The following PDLIM5 variants were observed in gnomAD, a reference collection of about 807,000 sequenced individuals.
PDLIM5 encodes the protein PDZ and LIM domain protein 5.
A neutral mutation model predicts 64.2 loss-of-function variants in PDLIM5; 34 were observed. The observed-to-expected ratio is 0.53, with a 90% CI of 0.40 to 0.71. The LOEUF (loss-of-function observed/expected upper bound fraction) is 0.71. Among genes scored for constraint, PDLIM5 ranks in the 30% least tolerant of loss-of-function variants. The probability of loss-of-function intolerance (pLI) is 0.00; values close to 1 mark genes in which losing one functional copy is unlikely to be tolerated. For missense variants in PDLIM5, 683 were observed against 733.6 expected, an observed-to-expected ratio of 0.93 and a Z score of 0.80; for synonymous variants, 253 against 269.1, an observed-to-expected ratio of 0.94 and a Z score of 0.59.
chr4:94,455,816 C>T (rs1184163705), intron 2 of PDLIM5: 3 of 1,495,646 alleles, frequency 2.0e-6, no homozygotes, highest in Non-Finnish European at 1.8e-6. Context: ...ATTATTTCCT[C>T]AGCTCACTTT....
chr4:94,514,173 CG>C (rs1729155359), intron 2 of PDLIM5, among the ~76,000 whole-genome samples: 1 of 140,644 alleles, frequency 7.1e-6, no homozygotes, highest in African/African-American at 2.7e-5. Flanking sequence ...CTTACGTGGT[CG>C]CCAAGGCTGG....
intron 5 of PDLIM5, chr4:94,579,346 A>G: frequency 5.2e-6 from 2 of 383,918 alleles, no homozygotes; most frequent in East Asian, 3.9e-5. Context: ...TCCTTGCATT[A>G]TAATGTGCCA....
At chr4:94,474,130 G>A (rs1725114842) in intron 2 of PDLIM5, among the ~76,000 whole-genome samples, 1 of 152,170 alleles carries the variant, frequency 6.6e-6, no homozygotes. Context: ...TTTATTTAGG[G>A]ATTTGTGAAA....
chr4:94,636,779 C>A (rs1253528395), intron 8 of PDLIM5, among the ~76,000 whole-genome samples: 1 of 152,116 alleles, frequency 6.6e-6, no homozygotes, highest in Non-Finnish European at 1.5e-5. Flanking sequence ...TCATGATCCG[C>A]CCGCCTCGGC....
intron 7 of PDLIM5, among the ~76,000 whole-genome samples, chr4:94,609,702 T>G (rs1441230356): frequency 6.6e-6 from 1 of 152,148 alleles, no homozygotes; most frequent in Admixed American, 6.5e-5. Flanking sequence ...AAAACATAAG[T>G]CGTATTAAAA....
At chr4:94,642,304 C>A (rs914840300) in intron 9 of PDLIM5, among the ~76,000 whole-genome samples, 2 of 152,118 alleles carry the variant, frequency 1.3e-5, no homozygotes, top group Non-Finnish European at 2.9e-5. Context: ...GTGTAGTTAT[C>A]AAATTCCATG....
At chr4:94,624,048 C>A (rs978217104) in intron 8 of PDLIM5, among the ~76,000 whole-genome samples, 1 of 151,822 alleles carries the variant, frequency 6.6e-6, no homozygotes, top group Non-Finnish European at 1.5e-5. Flanking sequence ...CTGTGGCTCA[C>A]ACCTGTAATC....
rs5860368 is a variant in PDLIM5, at chr4:94,587,283, CAAAAAAA to C, written c.920+848_920+854del. On this transcript the variant is annotated intron_variant, in intron 7 of 12. Transcript: ENST00000317968. ...AGTTGGTAGCTCACAAATGTAAAACCAAAAAAAAAAAAAAATAGAAAATTAAGGGACT... is the reference window on the plus strand; with the variant it reads ...AGTTGGTAGCTCACAAATGTAAAACCAAAAAAAATAGAAAATTAAGGGACT... The C allele has an allele frequency of 2.3e-4, 246 of 1,084,336 alleles. 1 individual carries two copies. Among genetic ancestry groups the C allele is most frequent in the Non-Finnish European group, 1.8e-4 (160 of 878,748 alleles). The allele number at this position is 1,084,336 out of a possible 1,614,324, so 67.2% of individuals were successfully genotyped here.
At chr4:94,597,038 C>A (rs1402307165) in intron 7 of PDLIM5, among the ~76,000 whole-genome samples, 1 of 152,082 alleles carries the variant, frequency 6.6e-6, no homozygotes, top group Admixed American at 6.6e-5. Context: ...TATCTTTGAA[C>A]AGAAGAATGT....
chr4:94,528,850 G>C (rs1275955689), intron 3 of PDLIM5, among the ~76,000 whole-genome samples: 1 of 152,212 alleles, frequency 6.6e-6, no homozygotes, highest in Non-Finnish European at 1.5e-5. Flanking sequence ...CTCATGCCCA[G>C]ATATCCAATA....
chr4:94,464,581 G>A (rs909052804), intron 2 of PDLIM5, among the ~76,000 whole-genome samples: 5 of 152,168 alleles, frequency 3.3e-5, no homozygotes, highest in African/African-American at 9.7e-5. Context: ...CAAATGTTTT[G>A]TCCCTTAACT....
chr4:94,594,049 A>G (rs1736873183), intron 7 of PDLIM5, among the ~76,000 whole-genome samples: 1 of 152,230 alleles, frequency 6.6e-6, no homozygotes, highest in Admixed American at 6.5e-5. Flanking sequence ...AGCGTGGCAC[A>G]CACTATCTCT....
At chr4:94,465,432 G>A (rs1724263383) in intron 2 of PDLIM5, among the ~76,000 whole-genome samples, 2 of 151,944 alleles carry the variant, frequency 1.3e-5, no homozygotes, top group African/African-American at 2.4e-5. Context: ...ATGGAGTCTC[G>A]CTCTGTCACC....
At chr4:94,514,722 T>C (rs142019849) in intron 2 of PDLIM5, among the ~76,000 whole-genome samples, 1 of 152,202 alleles carries the variant, frequency 6.6e-6, no homozygotes, top group Non-Finnish European at 1.5e-5. Flanking sequence ...TTACTTACTA[T>C]TGGTCTGTTC....
chr4:94,646,330 A>G (rs1309021043), intron 9 of PDLIM5, among the ~76,000 whole-genome samples: 1 of 152,176 alleles, frequency 6.6e-6, no homozygotes, highest in South Asian at 2.1e-4. Context: ...GGAAATTGAG[A>G]CACTGACACA....
At chr4:94,625,771 C>T (rs781438624) in intron 8 of PDLIM5, among the ~76,000 whole-genome samples, 1 of 152,094 alleles carries the variant, frequency 6.6e-6, no homozygotes, top group African/African-American at 2.4e-5. Flanking sequence ...ACATTCTTAA[C>T]CTCTGATAGT....
chr4:94,460,705 G>C (rs1250767033), intron 2 of PDLIM5, among the ~76,000 whole-genome samples: 1 of 151,766 alleles, frequency 6.6e-6, no homozygotes, highest in Non-Finnish European at 1.5e-5. Context: ...TCATCTACTC[G>C]TGAGTTAGGT....
At chr4:94,579,748 TA>T (rs1735588320) in intron 5 of PDLIM5, among the ~76,000 whole-genome samples, 1 of 152,144 alleles carries the variant, frequency 6.6e-6, no homozygotes, top group Non-Finnish European at 1.5e-5. Flanking sequence ...ACATAAGTCA[TA>T]AAATGTATGT....
chr4:94,620,342 T>G (rs1002653816), intron 8 of PDLIM5, among the ~76,000 whole-genome samples: 7 of 152,134 alleles, frequency 4.6e-5, no homozygotes, highest in African/African-American at 1.7e-4. Context: ...GAGATCAGCC[T>G]GGGCAGCATG....
Sources: gnomAD v4.1 joint callset for allele counts (sites outside exome capture counted in the v4.1 genomes callset) on GRCh38, gnomAD v4.1.1 for gene constraint, MANE v1.5 for transcripts, NCBI Gene and HGNC (gene_info 2026-07-23, HGNC 2026-07-21) for gene names.